GRIP1: variants seen among roughly 807,000 people sequenced by gnomAD.
GRIP1 encodes glutamate receptor interacting protein 1.
Under a neutral mutation model 129.9 loss-of-function variants are expected in GRIP1, and 45 were observed. That is an observed-to-expected ratio of 0.35 (90% CI 0.27 to 0.44). GRIP1 has a LOEUF of 0.44. Among genes scored for constraint, GRIP1 ranks in the 20% least tolerant of loss-of-function variants. The pLI is 1.00. For synonymous variants in GRIP1, 530 were observed against 520.8 expected (o/e 1.02, Z -0.24); for missense variants, 1,196 against 1,396.8 (o/e 0.86, Z 2.29).
chr12:67,047,564 T>C (rs551332074), intron 1 of GRIP1, among the ~76,000 whole-genome samples: 1 of 152,302 alleles, frequency 6.6e-6, no homozygotes, highest in African/African-American at 2.4e-5. Context: ...TGTTCACTGT[T>C]GTCTCCTCAG....
intron 1 of GRIP1, among the ~76,000 whole-genome samples, chr12:66,891,278 T>C (rs545865889): frequency 1.3e-5 from 2 of 152,284 alleles, no homozygotes; most frequent in South Asian, 4.1e-4. Flanking sequence ...TACTATGAAA[T>C]ATTAAGTAGG....
intron 2 of GRIP1, among the ~76,000 whole-genome samples, chr12:66,547,422 G>C (rs1200558378): frequency 2.6e-5 from 4 of 151,976 alleles, no homozygotes; most frequent in African/African-American, 9.7e-5. Context: ...TATACTCCTG[G>C]GCATTAATCC....
chr12:66,678,703 A>G (rs1405243889), intron 1 of GRIP1, 147 bp downstream of exon 1: 1 of 748,922 alleles, frequency 1.3e-6, no homozygotes. Flanking sequence ...CTACCTGTAC[A>G]TATGTATCTA....
chr12:66,735,863 T>C (rs1263331422), intron 1 of GRIP1, among the ~76,000 whole-genome samples: 1 of 152,126 alleles, frequency 6.6e-6, no homozygotes, highest in Non-Finnish European at 1.5e-5. Flanking sequence ...AAAGACAATA[T>C]GCCTCAGCAT....
chr12:67,050,558 C>T (rs974791790), intron 1 of GRIP1, among the ~76,000 whole-genome samples: 5 of 152,140 alleles, frequency 3.3e-5, no homozygotes, highest in African/African-American at 1.2e-4. Context: ...TAGAATAACA[C>T]TACAGAACGG....
intron 1 of GRIP1, among the ~76,000 whole-genome samples, chr12:66,991,215 G>C (rs1301526705): frequency 6.6e-6 from 1 of 152,168 alleles, no homozygotes; most frequent in African/African-American, 2.4e-5. Context: ...AGAGCTTGCA[G>C]TGAGCCGAGA....
chr12:66,602,525 G>A (rs1220743047), intron 1 of GRIP1, among the ~76,000 whole-genome samples: 1 of 152,126 alleles, frequency 6.6e-6, no homozygotes, highest in Non-Finnish European at 1.5e-5. Flanking sequence ...CACAGGCTTT[G>A]GCTCTACAGC....
At chr12:66,660,982 ATAGT>A (rs2033466993) in intron 1 of GRIP1, among the ~76,000 whole-genome samples, 1 of 152,126 alleles carries the variant, frequency 6.6e-6, no homozygotes, top group Non-Finnish European at 1.5e-5. Context: ...TAGGATATAA[ATAGT>A]TATACTCTGA....
chr12:66,853,731 T>C (rs1296506952), intron 1 of GRIP1, among the ~76,000 whole-genome samples: 3 of 152,094 alleles, frequency 2.0e-5, no homozygotes, highest in African/African-American at 7.2e-5. Context: ...TGTATTCTAA[T>C]AAGAGAACCC....
At chr12:66,635,435 G>GA (rs1323683957) in intron 1 of GRIP1, among the ~76,000 whole-genome samples, 2 of 149,646 alleles carry the variant, frequency 1.3e-5, no homozygotes, top group Admixed American at 6.6e-5. Flanking sequence ...AAAAAAAAAA[G>GA]AAAAAAAGAA....
At chr12:66,564,478 A>G (rs2139431490) in intron 2 of GRIP1, among the ~76,000 whole-genome samples, 1 of 152,230 alleles carries the variant, frequency 6.6e-6, no homozygotes, top group Non-Finnish European at 1.5e-5. Context: ...ATGGCTGCAT[A>G]GTATTCCATG....
chr12:66,421,663 C>CA (rs2057806609), intron 14 of GRIP1, among the ~76,000 whole-genome samples: 1 of 142,520 alleles, frequency 7.0e-6, no homozygotes, highest in Non-Finnish European at 1.5e-5. Context: ...TGGAATGTGA[C>CA]TTTTTTTTTT....
intron 2 of GRIP1, among the ~76,000 whole-genome samples, chr12:66,572,670 C>A (rs538039961): frequency 3.3e-5 from 5 of 152,274 alleles, no homozygotes; most frequent in African/African-American, 1.2e-4. Context: ...CTATCTGGCT[C>A]AACGCCTATT....
intron 1 of GRIP1, among the ~76,000 whole-genome samples, chr12:66,654,130 T>C (rs1456066720): frequency 6.6e-6 from 1 of 152,028 alleles, no homozygotes; most frequent in Non-Finnish European, 1.5e-5. Context: ...AGGTGATAGA[T>C]TGAAACTTTT....
chr12:66,623,993 A>C (rs2065380821), intron 1 of GRIP1, among the ~76,000 whole-genome samples: 1 of 152,142 alleles, frequency 6.6e-6, no homozygotes, highest in Admixed American at 6.5e-5. Flanking sequence ...TTTTTGAAAC[A>C]CAGCTCCTTT....
intron 1 of GRIP1, among the ~76,000 whole-genome samples, chr12:66,757,130 A>T (rs1440867642): frequency 6.6e-6 from 1 of 152,194 alleles, no homozygotes; most frequent in Non-Finnish European, 1.5e-5. Context: ...TTTTAAATGT[A>T]CAATAAATTA....
intron 1 of GRIP1, among the ~76,000 whole-genome samples, chr12:66,601,177 G>A (rs952110076): frequency 2.0e-5 from 3 of 152,136 alleles, no homozygotes; most frequent in African/African-American, 7.2e-5. Flanking sequence ...CCCCCAATTT[G>A]GCCAGTCTCC....
At chr12:66,535,932 G>A (rs1649414703) in intron 4 of GRIP1, among the ~76,000 whole-genome samples, 1 of 152,036 alleles carries the variant, frequency 6.6e-6, no homozygotes, top group Non-Finnish European at 1.5e-5. Flanking sequence ...TGTCAAATAG[G>A]CACCTCAAAT....
At chr12:66,762,390 C>T (rs781175359) in intron 1 of GRIP1, among the ~76,000 whole-genome samples, 2 of 152,166 alleles carry the variant, frequency 1.3e-5, no homozygotes, top group African/African-American at 2.4e-5. Flanking sequence ...GAGGAGCCTA[C>T]AATGAAAAAC....
Sources: allele counts gnomAD v4.1 joint callset (sites outside exome capture counted in the v4.1 genomes callset), GRCh38; gene constraint gnomAD v4.1.1; transcripts MANE v1.5; gene names NCBI Gene and HGNC (gene_info 2026-07-23, HGNC 2026-07-21).